TAFA4: variants seen among roughly 807,000 people sequenced by gnomAD.
The protein encoded by TAFA4 is TAFA chemokine like family member 4, also known as chemokine-like protein TAFA-4.
A neutral mutation model predicts 21.1 loss-of-function variants in TAFA4; 20 were observed. The observed-to-expected ratio is 0.95, with a 90% CI of 0.67 to 1.38. The LOEUF (loss-of-function observed/expected upper bound fraction) is 1.38. Among genes scored for constraint, TAFA4 ranks in the 40% most tolerant of loss-of-function variants. TAFA4 has a pLI of 0.00. For synonymous variants in TAFA4, 71 were observed against 67.4 expected (o/e 1.05, Z -0.26); for missense variants, 211 against 180.9 (o/e 1.17, Z -0.95).
chr3:68,819,029 T>C (rs1171999994), intron 3 of TAFA4, among the ~76,000 whole-genome samples: 1 of 152,082 alleles, frequency 6.6e-6, no homozygotes, highest in African/African-American at 2.4e-5. Context: ...TCCCAGCATT[T>C]TGGGAGGCCA....
chr3:68,800,713 G>A (rs1703559870), intron 3 of TAFA4, among the ~76,000 whole-genome samples: 1 of 152,190 alleles, frequency 6.6e-6, no homozygotes, highest in African/African-American at 2.4e-5. Context: ...GGCCACTCTT[G>A]AAGAATTTCA....
intron 3 of TAFA4, among the ~76,000 whole-genome samples, chr3:68,773,815 C>T (rs771793512): frequency 1.3e-5 from 2 of 152,060 alleles, no homozygotes; most frequent in African/African-American, 2.4e-5. Context: ...AGAGCAGAGG[C>T]ACTTAAGAAG....
intron 3 of TAFA4, among the ~76,000 whole-genome samples, chr3:68,774,732 T>C (rs768382634): frequency 3.9e-5 from 6 of 152,200 alleles, no homozygotes; most frequent in Non-Finnish European, 5.9e-5. Context: ...AAATGCACTA[T>C]GAGAAAACAT....
At chr3:68,825,218 A>G (rs1417672840) in intron 3 of TAFA4, among the ~76,000 whole-genome samples, 1 of 152,174 alleles carries the variant, frequency 6.6e-6, no homozygotes, top group East Asian at 1.9e-4. Context: ...AAGTGAGAAC[A>G]TGCAGTGTTT....
intron 1 of TAFA4, among the ~76,000 whole-genome samples, chr3:68,928,753 G>T (rs1177725412): frequency 6.6e-6 from 1 of 152,022 alleles, no homozygotes; most frequent in Non-Finnish European, 1.5e-5. Flanking sequence ...CCAAGGGAAG[G>T]GGTCCCACCA....
chr3:68,809,811 G>A (rs1486748589), intron 3 of TAFA4, among the ~76,000 whole-genome samples: 4 of 152,140 alleles, frequency 2.6e-5, no homozygotes, highest in African/African-American at 7.2e-5. Context: ...TTGAGAGATT[G>A]CCCTTTCCCC....
chr3:68,823,797 G>T (rs1022648886), intron 3 of TAFA4, among the ~76,000 whole-genome samples: 28 of 152,046 alleles, frequency 1.8e-4, no homozygotes, highest in African/African-American at 6.8e-4. Context: ...CCTTTTTATG[G>T]CTGCATAGTA....
At position 68,780,899 on chromosome 3, in the gene TAFA4, TAAA is replaced by T. The variant is rs61272017; in HGVS notation, c.131-27884_131-27882del. 3.8e-3 allele frequency among the ~76,000 whole-genome samples: 562 copies of T among 146,462 alleles called. 5 individuals carry two copies. Among genetic ancestry groups the T allele is most frequent in the African/African-American group, 0.013 (518 of 40,052 alleles). On this transcript the variant is annotated intron_variant, in intron 3 of 5. Coordinates refer to ENST00000295569, the MANE Select transcript of TAFA4 (RefSeq NM_182522.5). ...TCAAGTCAGATCATATTCTAGGACA[TAAA>T]AAAAAAAAAACCTTAAAAACCTAAA...
chr3:68,763,869 T>TACACACAC (rs147436920), intron 3 of TAFA4, among the ~76,000 whole-genome samples: 2,406 of 147,320 alleles, frequency 0.016, 74 homozygotes, highest in African/African-American at 0.057. Context: ...TATGACAGAC[T>TACACACAC]ACACACACAC....
chr3:68,768,578 C>T (rs533823302), intron 3 of TAFA4, among the ~76,000 whole-genome samples: 1 of 152,228 alleles, frequency 6.6e-6, no homozygotes, highest in South Asian at 2.1e-4. Flanking sequence ...ATCTCATGTT[C>T]CAGCAATCTC....
At chr3:68,797,587 T>C (rs1292428829) in intron 3 of TAFA4, among the ~76,000 whole-genome samples, 1 of 121,556 alleles carries the variant, frequency 8.2e-6, no homozygotes, top group Non-Finnish European at 1.6e-5. Context: ...CACTCCAGCC[T>C]GGGCAACAGA....
chr3:68,771,423 T>A (rs984445218), intron 3 of TAFA4, among the ~76,000 whole-genome samples: 2 of 152,152 alleles, frequency 1.3e-5, no homozygotes, highest in African/African-American at 4.8e-5. Flanking sequence ...CCCCATGGCC[T>A]CTGTATCTGC....
intron 1 of TAFA4, among the ~76,000 whole-genome samples, chr3:68,906,642 C>G (rs530586886): frequency 1.1e-4 from 17 of 152,212 alleles, no homozygotes; most frequent in Admixed American, 1.3e-4. Flanking sequence ...CAGTGTCAAC[C>G]AGAGAGTGGA....
chr3:68,802,985 G>A (rs1172661556), intron 3 of TAFA4, among the ~76,000 whole-genome samples: 3 of 152,204 alleles, frequency 2.0e-5, no homozygotes, highest in African/African-American at 4.8e-5. Flanking sequence ...TACAATCCAA[G>A]AGAGAACTCT....
chr3:68,743,345 G>A (rs775916739), intron 4 of TAFA4, among the ~76,000 whole-genome samples: 8 of 152,068 alleles, frequency 5.3e-5, no homozygotes, highest in Admixed American at 2.0e-4. Context: ...GAAGGCCTAG[G>A]TGGGCAGATC....
At chr3:68,780,376 T>G (rs1703132352) in intron 3 of TAFA4, among the ~76,000 whole-genome samples, 1 of 152,120 alleles carries the variant, frequency 6.6e-6, no homozygotes, top group South Asian at 2.1e-4. Flanking sequence ...GAGCCAGAGG[T>G]GGAATGATAT....
At chr3:68,766,941 T>C (rs530870641) in intron 3 of TAFA4, among the ~76,000 whole-genome samples, 1 of 152,152 alleles carries the variant, frequency 6.6e-6, no homozygotes, top group South Asian at 2.1e-4. Context: ...TAAAAACCAA[T>C]GGACTCATGC....
At chr3:68,815,405 A>G (rs1443623916) in intron 3 of TAFA4, among the ~76,000 whole-genome samples, 1 of 152,230 alleles carries the variant, frequency 6.6e-6, no homozygotes, top group African/African-American at 2.4e-5. Context: ...AATTTTTGCA[A>G]TCTACTCATC....
chr3:68,788,092 C>T (rs1317445835), intron 3 of TAFA4, among the ~76,000 whole-genome samples: 1 of 152,178 alleles, frequency 6.6e-6, no homozygotes, highest in Non-Finnish European at 1.5e-5. Flanking sequence ...CAGAAGAGTA[C>T]ACATTTAAAA....
Sources: gnomAD v4.1 joint callset for allele counts (sites outside exome capture counted in the v4.1 genomes callset) on GRCh38, gnomAD v4.1.1 for gene constraint, MANE v1.5 for transcripts, NCBI Gene and HGNC (gene_info 2026-07-23, HGNC 2026-07-21) for gene names.